PHF7: variants seen among roughly 807,000 people sequenced by gnomAD.
PHF7 encodes the protein E3 ubiquitin-protein ligase PHF7.
Under a neutral mutation model 47.5 loss-of-function variants are expected in PHF7, and 24 were observed. That is an observed-to-expected ratio of 0.51 (90% CI 0.37 to 0.71). The LOEUF is 0.71. Ranked by LOEUF, PHF7 falls within the 30% of genes least tolerant of loss-of-function variation. The pLI, the probability that PHF7 is intolerant of heterozygous loss-of-function variation, is 0.00. For synonymous variants in PHF7, 156 were observed against 153.8 expected (o/e 1.01, Z -0.11); for missense variants, 361 against 456.8 (o/e 0.79, Z 1.91).
Position 52,414,516 on chromosome 3 carries a change from G to A in PHF7, c.115G>A (p.Glu39Lys), listed in dbSNP as rs1354230376. Residue 39 changes from glutamate to lysine, a missense_variant, in exon 4 of 11, where the codon GAA (glutamate) becomes AAA (lysine). By Grantham distance (56) the Glu-to-Lys change is moderately conservative. Coordinates refer to ENST00000327906, the MANE Select transcript of PHF7 (RefSeq NM_016483.7). ...SGPVCWLCLR[E>K]PGDPEKLGEF... ...TCCAGTTTGCTGGCTATGCCTTCGA[G>A]AACCTGGGGATCCCGAAAAATTAGG... is the stretch of plus-strand genomic sequence containing the variant. 5.0e-6 allele frequency: 8 copies of A among 1,611,768 alleles called. No homozygotes were observed. Among genetic ancestry groups the A allele is most frequent in the Non-Finnish European group, 6.8e-6 (8 of 1,178,552 alleles).
At chr3:52,412,490 G>A (rs1705480816) in intron 1 of PHF7, among the ~76,000 whole-genome samples, 1 of 152,166 alleles carries the variant, frequency 6.6e-6, no homozygotes, top group African/African-American at 2.4e-5. Context: ...CTGTGTGATA[G>A]CAGTATAACA....
chr3:52,422,679 T>C, intron 9 of PHF7, 81 bp from the exon 10 acceptor site: 1 of 1,473,834 alleles, frequency 6.8e-7, no homozygotes, highest in Non-Finnish European at 9.5e-7. Flanking sequence ...CTGTAAAAAA[T>C]GCCTGGCCCA....
intron 4 of PHF7, among the ~76,000 whole-genome samples, chr3:52,416,559 G>C (rs1705632243): frequency 6.6e-6 from 1 of 150,652 alleles, no homozygotes; most frequent in Non-Finnish European, 1.5e-5. Flanking sequence ...TGGTGGTCGG[G>C]CACAGTGGCT....
Position 52,422,313 on chromosome 3 carries a change from G to A in PHF7, c.772G>A (p.Gly258Ser), listed in dbSNP as rs1705816933. 1 of 1,612,096 alleles carries A rather than the reference G, an allele frequency of 6.2e-7. No homozygotes were observed. The highest frequency in any genetic ancestry group is 8.5e-7 in the Non-Finnish European group (1 of 1,178,078). Residue 258 changes from glycine (G) to serine (S), a missense_variant, in exon 9 of 11, where the codon GGC (glycine) becomes AGC (serine). Gly to Ser is a moderately conservative substitution (Grantham distance 56). Transcript: ENST00000327906. Reference sequence around the variant, plus strand: ...TGCCCCCATCTGTCTGTATGAACAAGGCAGAGACAGCTTTGAGGATGAAGG... The same window carrying A: ...TGCCCCCATCTGTCTGTATGAACAAAGCAGAGACAGCTTTGAGGATGAAGG... Reference protein sequence around the residue: ...CDAPICLYEQGRDSFEDEGRW... With the variant: ...CDAPICLYEQSRDSFEDEGRW...
At chr3:52,420,667 A>C (rs546844130) in intron 6 of PHF7, among the ~76,000 whole-genome samples, 27 of 152,308 alleles carry the variant, frequency 1.8e-4, no homozygotes, top group Non-Finnish European at 3.8e-4. Context: ...ACAGCTGCTC[A>C]GCACTAAGTG....
In PHF7 at chr3:52,413,978, C is replaced by G. The variant is rs764883733; in HGVS notation, c.42-18C>G. On this transcript the variant is annotated intron_variant, in intron 2 of 10. Transcript: ENST00000327906. ...GATCCCCAAAGAACACCTTGTGCTT[C>G]TTATTTCTCTTGTATAGAAAATCTG... The G allele has an allele frequency of 5.8e-5, 92 of 1,573,888 alleles. No individual in the cohort carries two copies. The highest frequency in any genetic ancestry group is 4.5e-5 in the Non-Finnish European group (52 of 1,144,016).
rs957926737 is a variant in PHF7 at position 52,410,784 on chromosome 3, G to A, written c.-533G>A. The A allele has an allele frequency of 6.5e-6, 1 of 152,768 alleles. No homozygotes were observed. Among genetic ancestry groups the A allele is most frequent in the Non-Finnish European group, 1.5e-5 (1 of 68,304 alleles). The allele number at this position is 152,768 out of a possible 1,614,324, so 9.5% of individuals were successfully genotyped here. ...CAGCTGGGAGGGTGGCTCTGGCCGG[G>A]AGCGGCGGCCGGTGAGCTACCGCGA... is the stretch of plus-strand genomic sequence containing the variant. On this transcript the variant is annotated 5_prime_UTR_variant, in exon 1 of 11. Transcript: ENST00000327906.
rs763967440 is a variant in PHF7, at chr3:52,420,997, C to T, written c.508C>T (p.Gln170Ter). Reference protein sequence around the residue: ...CILCCEDLSQQSVENIQSPCC... With the variant: ...CILCCEDLSQ Reference sequence around the variant, plus strand: ...CTTATGTTGTGAAGACTTATCCCAACAGAGTGTTGAGAACATCCAGAGCCC... The same window carrying T: ...CTTATGTTGTGAAGACTTATCCCAATAGAGTGTTGAGAACATCCAGAGCCC... The change falls in exon 7 of 11, where the codon CAG (glutamine) becomes TAG (stop). Residue 170 changes from glutamine to a stop codon, truncating the protein, a stop_gained. Transcript: ENST00000327906. LOFTEE classifies it high-confidence loss of function. 2 of 1,613,802 alleles carry T rather than the reference C, an allele frequency of 1.2e-6. No individual in the cohort carries two copies. Among genetic ancestry groups the T allele is most frequent in the South Asian group, 1.1e-5 (1 of 91,028 alleles).
chr3:52,422,814 C>G lies in PHF7; in HGVS notation c.852C>G (p.Asp284Glu). 1 of 1,614,002 alleles carries G rather than the reference C, an allele frequency of 6.2e-7. No individual in the cohort carries two copies. Among genetic ancestry groups the G allele is most frequent in the African/African-American group, 1.3e-5 (1 of 75,036 alleles). Residue 284 changes from aspartate (D) to glutamate (E), a missense_variant, in exon 10 of 11, where the codon GAC becomes GAG. Transcript: ENST00000327906. ...ATCGSHGTHRDCSSLRSNSKK... is the reference protein window; with the variant it reads ...ATCGSHGTHRECSSLRSNSKK... ...GCGGATCCCACGGAACCCACAGGGA[C>G]TGCTCCTCTCTTAGATCTAACAGTA...
At chr3:52,412,299 A>C (rs916514733) in intron 1 of PHF7, among the ~76,000 whole-genome samples, 1 of 152,158 alleles carries the variant, frequency 6.6e-6, no homozygotes, top group African/African-American at 2.4e-5. Context: ...CCCAAATCTC[A>C]CAGGCTCCTT....
chr3:52,420,300 C>CTCATTTGCA lies in PHF7; in HGVS notation c.289-10_289-2dup, dbSNP rs1705747836. ...TGGGGTCCTGAGCACTGTCTGGGAA[C>CTCATTTGCA]TCATTTGCAGATCTGCTTTGTGTGC... is the stretch of plus-strand genomic sequence containing the variant. On this transcript the variant is annotated splice_polypyrimidine_tract_variant and intron_variant, in intron 5 of 10. Transcript: ENST00000327906. 1 of 1,613,756 alleles carries CTCATTTGCA rather than the reference C, an allele frequency of 6.2e-7. No individual in the cohort carries two copies. Among genetic ancestry groups the CTCATTTGCA allele is most frequent in the Non-Finnish European group, 8.5e-7 (1 of 1,179,656 alleles).
chr3:52,419,914 GC>G lies in PHF7; in HGVS notation c.269del (p.Ala90GlufsTer129). ...TCTGCCTGAAGACATCAAAAAGGAG[GC>G]AGCCCGGGCTTCTAGGAAGGTTAGA... Reference protein sequence around the residue: ...GFLPEDIKKEAARASRKICFV... With the variant: ...GFLPEDIKKEXARASRKICFV... On this transcript the variant is annotated frameshift_variant, in exon 5 of 11. Coordinates refer to ENST00000327906, the MANE Select transcript of PHF7 (RefSeq NM_016483.7). LOFTEE classifies it high-confidence loss of function. 2 of 1,607,554 alleles carry G rather than the reference GC, an allele frequency of 1.2e-6. No individual in the cohort carries two copies. The highest frequency in any genetic ancestry group is 1.7e-6 in the Non-Finnish European group (2 of 1,175,964).
At chr3:52,416,726 G>C (rs1369833707) in intron 4 of PHF7, among the ~76,000 whole-genome samples, 1 of 151,154 alleles carries the variant, frequency 6.6e-6, no homozygotes, top group Admixed American at 6.6e-5. Flanking sequence ...CCAGCTACTC[G>C]GGAGGCTGAG....
intron 9 of PHF7, 35 bp from the exon 10 acceptor site, chr3:52,422,725 A>G (rs778255790): frequency 6.2e-7 from 1 of 1,613,030 alleles, no homozygotes; most frequent in Non-Finnish European, 8.5e-7. Flanking sequence ...GGTGTTCTGT[A>G]TGTCTCCACA....
chr3:52,420,862 T>A, intron 6 of PHF7, 41 bp from the exon 7 acceptor site: 1 of 1,573,710 alleles, frequency 6.4e-7, no homozygotes, highest in Non-Finnish European at 8.6e-7. Flanking sequence ...GGAAACTACA[T>A]CAATGACAAA....
chr3:52,419,749 T>C lies in PHF7; in HGVS notation c.187-84T>C. On this transcript the variant is annotated intron_variant, in intron 4 of 10. Transcript: ENST00000327906. ...CCCGGCCCAAGCTCTATTCTTTAGC[T>C]CTCTTACCCTGTCCTTCTCCTCACC... 13 of 819,462 alleles carry C rather than the reference T, an allele frequency of 1.6e-5. No individual in the cohort carries two copies. In the Middle Eastern group the frequency reaches 3.0e-3, roughly 190 times the overall value. The allele number at this position is 819,462 out of a possible 1,614,324, so 50.8% of individuals were successfully genotyped here. A position where few individuals can be genotyped will look rare whatever the true frequency, so the allele number is the denominator to read the frequency against.
Position 52,423,583 on chromosome 3 carries a change from A to C in PHF7, c.*266A>C, listed in dbSNP as rs878970676. 1 of 361,188 alleles carries C rather than the reference A, an allele frequency of 2.8e-6. No individual in the cohort carries two copies. The allele number at this position is 361,188 out of a possible 1,614,324, so 22.4% of individuals were successfully genotyped here. ...ATTCTTCCACCTTAATCTTGTTTTC[A>C]TATGCCTCTTCTTACTTCACCCATG... On this transcript the variant is annotated 3_prime_UTR_variant, in exon 11 of 11. Coordinates refer to ENST00000327906, the MANE Select transcript of PHF7 (RefSeq NM_016483.7).
Position 52,413,974 on chromosome 3 carries a change from GCTT to G in PHF7, c.42-18_42-16del, listed in dbSNP as rs1290611811. 1.9e-6 allele frequency: 3 copies of G among 1,556,624 alleles called. No individual in the cohort carries two copies. The highest frequency in any genetic ancestry group is 2.7e-5 in the African/African-American group (2 of 73,758). On this transcript the variant is annotated intron_variant, in intron 2 of 10. Coordinates refer to ENST00000327906, the MANE Select transcript of PHF7 (RefSeq NM_016483.7). The stretch of plus-strand genomic sequence containing the variant: ...ACAAGATCCCCAAAGAACACCTTGT[GCTT>G]CTTATTTCTCTTGTATAGAAAATCT...
At chr3:52,418,060 T>C (rs1193157601) in intron 4 of PHF7, among the ~76,000 whole-genome samples, 1 of 152,234 alleles carries the variant, frequency 6.6e-6, no homozygotes, top group African/African-American at 2.4e-5. Flanking sequence ...TAATGTAGTT[T>C]GTTACATCAA....
Sources: gnomAD v4.1 joint callset for allele counts (sites outside exome capture counted in the v4.1 genomes callset) on GRCh38, gnomAD v4.1.1 for gene constraint, MANE v1.5 for transcripts, NCBI Gene and HGNC (gene_info 2026-07-23, HGNC 2026-07-21) for gene names.